Variants in RALYL observed in about 807,000 individuals in gnomAD.
The protein encoded by RALYL is RNA-binding Raly-like protein.
RALYL carries 29 observed loss-of-function variants against 35.1 expected under a neutral mutation model. The observed-to-expected ratio is 0.83, with a 90% CI of 0.61 to 1.13. The LOEUF (loss-of-function observed/expected upper bound fraction) is 1.13. RALYL is among the 50% of genes most tolerant of loss of function. The pLI, the probability that RALYL is intolerant of heterozygous loss-of-function variation, is 0.00. For synonymous variants in RALYL, 120 were observed against 127.6 expected (o/e 0.94, Z 0.40); for missense variants, 359 against 360.4 (o/e 1.00, Z 0.03).
At chr8:84,438,383 CTTATTTAT>C (rs3993393) in intron 1 of RALYL, among the ~76,000 whole-genome samples, 1 of 150,250 alleles carries the variant, frequency 6.7e-6, no homozygotes, top group Non-Finnish European at 1.5e-5. Flanking sequence ...GATTATTTTA[CTTATTTAT>C]TTATTTATTT....
intron 1 of RALYL, among the ~76,000 whole-genome samples, chr8:84,319,507 T>C (rs1013607915): frequency 7.2e-5 from 11 of 152,236 alleles, no homozygotes; most frequent in Middle Eastern, 3.4e-3. Flanking sequence ...TTCTTTTTCA[T>C]TGATGTGATA....
chr8:84,827,954 A>G (rs1381060924), intron 4 of RALYL, among the ~76,000 whole-genome samples: 1 of 151,902 alleles, frequency 6.6e-6, no homozygotes, highest in African/African-American at 2.4e-5. Flanking sequence ...AACTTTTAGT[A>G]AAACATTTAA....
At chr8:84,774,961 A>T (rs1816484406) in intron 3 of RALYL, among the ~76,000 whole-genome samples, 1 of 151,730 alleles carries the variant, frequency 6.6e-6, no homozygotes, top group Admixed American at 6.6e-5. Context: ...ATTTTATTTT[A>T]TTTTTTGAGA....
chr8:84,278,913 A>G (rs575091557), intron 1 of RALYL, among the ~76,000 whole-genome samples: 55 of 152,262 alleles, frequency 3.6e-4, no homozygotes, highest in African/African-American at 1.3e-3. Flanking sequence ...CCCAGTTCCA[A>G]AGTTATTTCC....
intron 2 of RALYL, among the ~76,000 whole-genome samples, chr8:84,660,624 A>AT (rs535758183): frequency 6.6e-4 from 100 of 151,198 alleles, no homozygotes; most frequent in Non-Finnish European, 1.2e-3. Context: ...ATATTCTTCA[A>AT]TTTTTTTTGC....
At position 84,661,343 on chromosome 8, in the gene RALYL, A is replaced by G. The variant is rs531941809; in HGVS notation, c.257-113236A>G. Among the ~76,000 whole-genome samples, 6 of 152,290 alleles carry G rather than the reference A, an allele frequency of 3.9e-5. No individual in the cohort carries two copies. The South Asian group carries it at 1.2e-3, about 32-fold the overall frequency. ...AGTCACCCACTCCTCTGATAAATCA[A>G]TTTCATTCTGCTATTTCATTCTCTT... On this transcript the variant is annotated intron_variant, in intron 2 of 8. Transcript: ENST00000521268.
chr8:84,417,074 G>T (rs1450525382), intron 1 of RALYL, among the ~76,000 whole-genome samples: 1 of 151,326 alleles, frequency 6.6e-6, no homozygotes, highest in African/African-American at 2.4e-5. Flanking sequence ...GCAGTGCCAG[G>T]CAATGGGTAT....
At chr8:84,501,329 A>G (rs904301176) in intron 1 of RALYL, among the ~76,000 whole-genome samples, 3 of 152,148 alleles carry the variant, frequency 2.0e-5, no homozygotes, top group Non-Finnish European at 4.4e-5. Context: ...ATGTAATTAC[A>G]TATCTAATTT....
At chr8:84,913,830 T>TA (rs1003180075) in intron 8 of RALYL, among the ~76,000 whole-genome samples, 3 of 151,710 alleles carry the variant, frequency 2.0e-5, no homozygotes, top group East Asian at 1.9e-4. Flanking sequence ...TATACTGATT[T>TA]AAAAAAAAGG....
intron 1 of RALYL, among the ~76,000 whole-genome samples, chr8:84,460,790 AT>A (rs1353618790): frequency 2.6e-5 from 4 of 151,592 alleles, no homozygotes; most frequent in Non-Finnish European, 5.9e-5. Context: ...ATGTATTACT[AT>A]GGGGTAATTT....
intron 1 of RALYL, among the ~76,000 whole-genome samples, chr8:84,345,966 T>C (rs557882336): frequency 2.0e-5 from 3 of 152,218 alleles, no homozygotes; most frequent in Admixed American, 2.0e-4. Context: ...AAACCTTCAC[T>C]CAACCCTCCA....
intron 1 of RALYL, among the ~76,000 whole-genome samples, chr8:84,465,152 C>T (rs2051397701): frequency 1.5e-5 from 2 of 135,798 alleles, no homozygotes; most frequent in African/African-American, 2.8e-5. Context: ...TTAATTAGAT[C>T]CCATTTGTCC....
At position 84,555,151 on chromosome 8, in the gene RALYL, C is replaced by CTGGGT. The variant is rs1564137573; in HGVS notation, c.256+25574_256+25575insTGGGT. 1.6e-4 allele frequency among the ~76,000 whole-genome samples: 24 copies of CTGGGT among 152,176 alleles called. No individual in the cohort carries two copies. The East Asian group carries it at 4.1e-3, about 26-fold the overall frequency. On this transcript the variant is annotated intron_variant, in intron 2 of 8. Coordinates refer to ENST00000521268, the MANE Select transcript of RALYL (RefSeq NM_173848.7). ...AAAATTAGCCGGGCGTGGTGGCACACGCCTGTAATCCCAGCTACTCAGGAG... is the reference window on the plus strand; with the variant it reads ...AAAATTAGCCGGGCGTGGTGGCACACTGGGTGCCTGTAATCCCAGCTACTCAGGAG...
intron 1 of RALYL, among the ~76,000 whole-genome samples, chr8:84,422,141 A>G (rs1371378669): frequency 7.0e-6 from 1 of 143,372 alleles, no homozygotes; most frequent in Non-Finnish European, 1.5e-5. Flanking sequence ...TCCTCCTTGT[A>G]CCTCTGGTAG....
At chr8:84,638,530 GAAAT>G (rs1364209384) in intron 2 of RALYL, among the ~76,000 whole-genome samples, 2 of 151,816 alleles carry the variant, frequency 1.3e-5, no homozygotes, top group African/African-American at 4.8e-5. Flanking sequence ...CTTGTTCTTT[GAAAT>G]AAATAAATAA....
Position 84,490,306 on chromosome 8 carries a change from T to A in RALYL, c.-23-38993T>A, listed in dbSNP as rs941673682. 5.3e-5 allele frequency among the ~76,000 whole-genome samples: 8 copies of A among 151,958 alleles called. 1 individual carries two copies. The Admixed American group carries it at 5.3e-4, about 10-fold the overall frequency. On this transcript the variant is annotated intron_variant, in intron 1 of 8. Coordinates refer to ENST00000521268, the MANE Select transcript of RALYL (RefSeq NM_173848.7). ...GGCGATTTCAGAGCTGCCACCTGGC[T>A]GGAAACTTACTCACATAAAGCAAGC... is the stretch of plus-strand genomic sequence containing the variant.
Position 84,354,706 on chromosome 8 carries a change from T to A in RALYL, c.-24+170282T>A, listed in dbSNP as rs758788177. 1.7e-4 allele frequency among the ~76,000 whole-genome samples: 26 copies of A among 150,374 alleles called. 1 individual carries two copies. Among genetic ancestry groups the A allele is most frequent in the Non-Finnish European group, 3.8e-4 (26 of 67,730 alleles). Reference sequence around the variant, plus strand: ...AAATATCTAAGTCAATACAACGGAATCCTGGGAGCCAAGCTGAGCAAAGGA... The same window carrying A: ...AAATATCTAAGTCAATACAACGGAAACCTGGGAGCCAAGCTGAGCAAAGGA... On this transcript the variant is annotated intron_variant, in intron 1 of 8. Transcript: ENST00000521268.
intron 3 of RALYL, among the ~76,000 whole-genome samples, chr8:84,803,748 CA>C (rs1823911391): frequency 6.6e-6 from 1 of 152,134 alleles, no homozygotes; most frequent in African/African-American, 2.4e-5. Flanking sequence ...TTCTCATAAG[CA>C]CATTTTTGCC....
At chr8:84,366,463 G>C (rs1854291902) in intron 1 of RALYL, among the ~76,000 whole-genome samples, 1 of 152,082 alleles carries the variant, frequency 6.6e-6, no homozygotes, top group South Asian at 2.1e-4. Context: ...TGAAATATCA[G>C]AGATGGAAAA....
Sources: allele counts gnomAD v4.1 joint callset (sites outside exome capture counted in the v4.1 genomes callset), GRCh38; gene constraint gnomAD v4.1.1; transcripts MANE v1.5; gene names NCBI Gene and HGNC (gene_info 2026-07-23, HGNC 2026-07-21).